Variants in NEK5 observed in about 807,000 individuals in gnomAD.
NEK5 encodes the protein serine/threonine-protein kinase Nek5.
Under a neutral mutation model 109.2 loss-of-function variants are expected in NEK5, and 88 were observed. The observed-to-expected ratio is 0.81, with a 90% confidence interval of 0.68 to 0.96. NEK5 has a LOEUF of 0.96. Ranked by LOEUF, NEK5 falls within the 40% of genes least tolerant of loss-of-function variation. The pLI, the probability that NEK5 is intolerant of heterozygous loss-of-function variation, is 0.00. For missense variants in NEK5, 834 were observed against 920.7 expected, an observed-to-expected ratio of 0.91 and a Z score of 1.22; for synonymous variants, 283 against 299.9, an observed-to-expected ratio of 0.94 and a Z score of 0.58.
At chr13:52,084,734 T>TGAGAGAGAGA (rs1170629594) in intron 16 of NEK5, among the ~76,000 whole-genome samples, 3 of 110,038 alleles carry the variant, frequency 2.7e-5, no homozygotes, top group African/African-American at 1.2e-4. Context: ...AGAGAGAGAG[T>TGAGAGAGAGA]GAGAGAGAGA....
chr13:52,070,204 A>C (rs1032275896), intron 20 of NEK5, among the ~76,000 whole-genome samples: 6 of 152,190 alleles, frequency 3.9e-5, no homozygotes, highest in African/African-American at 1.4e-4. Flanking sequence ...GGCTGTATGG[A>C]TCCCATTTTC....
Position 52,083,368 on chromosome 13 carries a change from T to C in NEK5, c.1480-16A>G. 1 of 1,503,176 alleles carries C rather than the reference T, an allele frequency of 6.7e-7. No individual in the cohort carries two copies. Among genetic ancestry groups the C allele is most frequent in the South Asian group, 1.1e-5 (1 of 88,878 alleles). The allele number at this position is 1,503,176 out of a possible 1,614,324, so 93.1% of individuals were successfully genotyped here. A position where few individuals can be genotyped will look rare whatever the true frequency, so the allele number is the denominator to read the frequency against. On this transcript the variant is annotated splice_polypyrimidine_tract_variant and intron_variant, in intron 16 of 23. Transcript: ENST00000684899. ...TTGAGTTCTCCTTTAACACAAATTATACACAGTCAACAAGATTGGTTCTGA... is the reference window on the plus strand; with the variant it reads ...TTGAGTTCTCCTTTAACACAAATTACACACAGTCAACAAGATTGGTTCTGA...
chr13:52,040,541 T>C (rs1184635900), intron 23 of NEK5, among the ~76,000 whole-genome samples: 1 of 152,214 alleles, frequency 6.6e-6, no homozygotes, highest in Non-Finnish European at 1.5e-5. Flanking sequence ...ATTTTTCTTA[T>C]GTTTGGATTC....
At chr13:52,069,175 T>G (rs1441085904) in intron 20 of NEK5, among the ~76,000 whole-genome samples, 1 of 152,038 alleles carries the variant, frequency 6.6e-6, no homozygotes, top group Non-Finnish European at 1.5e-5. Flanking sequence ...AGCAAACTGA[T>G]GCAAAGATAA....
chr13:52,094,186 T>C (rs576285103), intron 12 of NEK5, among the ~76,000 whole-genome samples: 82 of 152,294 alleles, frequency 5.4e-4, no homozygotes, highest in African/African-American at 1.9e-3. Flanking sequence ...GCCACTGAGC[T>C]AGAAGACAAG....
chr13:52,082,013 T>C (rs962617713), intron 17 of NEK5, among the ~76,000 whole-genome samples: 12 of 152,236 alleles, frequency 7.9e-5, no homozygotes, highest in Non-Finnish European at 1.8e-4. Flanking sequence ...ATTACTCTAA[T>C]TATAAAGATA....
intron 21 of NEK5, among the ~76,000 whole-genome samples, chr13:52,064,453 G>C (rs1030282574): frequency 6.8e-6 from 1 of 145,994 alleles, no homozygotes; most frequent in Non-Finnish European, 1.5e-5. Context: ...GAGGTGGGGG[G>C]GGTCAGCCCC....
rs1411759266 is a variant in NEK5 at position 52,034,677 on chromosome 13, C to A, written c.*2271G>T. 2 of 147,736 alleles carry A rather than the reference C, an allele frequency of 1.4e-5. No individual in the cohort carries two copies. Among genetic ancestry groups the A allele is most frequent in the East Asian group, 4.1e-4 (2 of 4,910 alleles). The allele number at this position is 147,736 out of a possible 1,614,324, so 9.2% of individuals were successfully genotyped here. A position where few individuals can be genotyped will look rare whatever the true frequency, so the allele number is the denominator to read the frequency against. ...GAAGAGCTGGGACCAGAGGTGCACACCAACACACCAGCTAATTCTTTTTTT... is the reference window on the plus strand; with the variant it reads ...GAAGAGCTGGGACCAGAGGTGCACAACAACACACCAGCTAATTCTTTTTTT... On this transcript the variant is annotated 3_prime_UTR_variant, in exon 24 of 24. Coordinates refer to ENST00000684899, the MANE Select transcript of NEK5 (RefSeq NM_001365552.1).
intron 14 of NEK5, 93 bp downstream of exon 14, chr13:52,089,154 C>T: frequency 2.5e-6 from 2 of 797,840 alleles, no homozygotes; most frequent in South Asian, 3.1e-5. Context: ...TATTCTTGAC[C>T]TTCTGGTGGA....
At chr13:52,087,256 T>G (rs947323699) in intron 15 of NEK5, 82 bp downstream of exon 15, 1 of 704,936 alleles carries the variant, frequency 1.4e-6, no homozygotes, top group African/African-American at 1.8e-5. Flanking sequence ...CTGTAGGAAA[T>G]AGAAGTAACT....
chr13:52,110,401 G>A lies in NEK5; in HGVS notation c.406C>T (p.Leu136Phe), dbSNP rs148464078. ...TTTGCCACCATTCCGTTCTTGCTAA[G>A]AAAAATGTTCTATAAATGGAGAAAA... ...HRDIKAQNIFLSKNGMVAKLG... is the reference protein window; with the variant it reads ...HRDIKAQNIFFSKNGMVAKLG... Residue 136 changes from leucine to phenylalanine, a missense_variant, in exon 7 of 24, where the codon CTT becomes TTT. This residue lies in a region of NEK5 where 777 missense variants were observed against 824.7 expected (regional missense o/e 0.94). Transcript: ENST00000684899. The A allele has an allele frequency of 5.0e-5, 80 of 1,613,158 alleles. No homozygotes were observed. The highest frequency in any genetic ancestry group is 3.3e-4 in the Middle Eastern group (2 of 6,060).
At chr13:52,119,479 G>T in intron 3 of NEK5, 64 bp from the exon 4 acceptor site, 1 of 753,894 alleles carries the variant, frequency 1.3e-6, no homozygotes, top group Non-Finnish European at 2.2e-6. Flanking sequence ...CATGCTTTCT[G>T]CTCATTTCCA....
chr13:52,082,291 G>C (rs1259414581), intron 17 of NEK5: 2 of 812,258 alleles, frequency 2.5e-6, no homozygotes, highest in African/African-American at 3.8e-5. Flanking sequence ...CTCCAGCCTG[G>C]GCAACAAGAG....
chr13:52,079,434 C>T (rs1035543992), intron 17 of NEK5, among the ~76,000 whole-genome samples: 1 of 152,140 alleles, frequency 6.6e-6, no homozygotes, highest in African/African-American at 2.4e-5. Context: ...CGAGTGCCTG[C>T]GATTGCAGGG....
intron 16 of NEK5, among the ~76,000 whole-genome samples, chr13:52,083,876 C>A (rs1477118117): frequency 6.6e-6 from 1 of 152,148 alleles, no homozygotes; most frequent in Non-Finnish European, 1.5e-5. Context: ...GGCTGCCCAT[C>A]CCAGATCAGC....
At chr13:52,051,839 T>C (rs1395020002) in intron 22 of NEK5, among the ~76,000 whole-genome samples, 4 of 152,216 alleles carry the variant, frequency 2.6e-5, no homozygotes, top group Non-Finnish European at 5.9e-5. Context: ...TCAGGATCTT[T>C]ACCCTAAAAC....
At chr13:52,108,511 T>G in intron 7 of NEK5, 107 bp from the exon 8 acceptor site, 1 of 655,410 alleles carries the variant, frequency 1.5e-6, no homozygotes. Context: ...TAACACAAGA[T>G]TTGATGCATA....
chr13:52,060,701 CTTGT>C (rs1411709299), intron 22 of NEK5, among the ~76,000 whole-genome samples: 1 of 152,088 alleles, frequency 6.6e-6, no homozygotes, highest in Non-Finnish European at 1.5e-5. Context: ...AGTTTTTCTA[CTTGT>C]TTTTCAACCT....
intron 19 of NEK5, 88 bp from the exon 20 acceptor site, chr13:52,072,158 T>C: frequency 1.0e-6 from 1 of 983,182 alleles, no homozygotes; most frequent in Non-Finnish European, 1.5e-6. Flanking sequence ...GTAAAATTAA[T>C]TAGCAAGGTA....
Sources: allele counts gnomAD v4.1 joint callset (sites outside exome capture counted in the v4.1 genomes callset), GRCh38; gene constraint gnomAD v4.1.1; regional missense constraint gnomAD v4.1.1; transcripts MANE v1.5; gene names NCBI Gene and HGNC (gene_info 2026-07-23, HGNC 2026-07-21).